PTPRJ: variants seen among roughly 807,000 people sequenced by gnomAD.
PTPRJ encodes protein tyrosine phosphatase receptor type J, also known as receptor-type tyrosine-protein phosphatase eta.
PTPRJ carries 129 observed loss-of-function variants against 141.3 expected under a neutral mutation model. The observed-to-expected ratio is 0.91, with a 90% CI of 0.79 to 1.06. PTPRJ has a LOEUF of 1.06. PTPRJ is among the 50% of genes least tolerant of loss of function. PTPRJ has a pLI of 0.00. For synonymous variants in PTPRJ, 610 were observed against 640.5 expected (o/e 0.95, Z 0.72); for missense variants, 1,601 against 1,679.7 (o/e 0.95, Z 0.82).
chr11:48,149,471 G>C lies in PTPRJ; in HGVS notation c.3024G>C (p.Val1008=). 1 of 1,519,164 alleles carries C rather than the reference G, an allele frequency of 6.6e-7. No homozygotes were observed. The highest frequency in any genetic ancestry group is 9.0e-7 in the Non-Finnish European group (1 of 1,106,688). The allele number at this position is 1,519,164 out of a possible 1,614,324, so 94.1% of individuals were successfully genotyped here. Residue 1008 remains valine, a synonymous_variant, in exon 16 of 25, where the codon GTG becomes GTC. Coordinates refer to ENST00000418331, the MANE Select transcript of PTPRJ (RefSeq NM_002843.4). ...KKRKDAKNNE[V]SFSQIKPKKS... ...GGAAAGATGCAAAGAATAATGAAGT[G>C]TCCTTTTCTCAAATTAAGTAAGTCT... is the stretch of plus-strand genomic sequence containing the variant.
intron 1 of PTPRJ, among the ~76,000 whole-genome samples, chr11:47,986,577 C>T (rs568294982): frequency 3.7e-4 from 57 of 152,242 alleles, no homozygotes; most frequent in Non-Finnish European, 4.4e-5. Context: ...AGTGCAGTGG[C>T]GTGATCTCCA....
Position 48,024,107 on chromosome 11 carries a change from G to T in PTPRJ, c.96+43099G>T, listed in dbSNP as rs573752226. Reference sequence around the variant, plus strand: ...CACATTCCTCCCACACTTACAGTCAGTGGCTTCATTAATCTCTAAGGTTCC... The same window carrying T: ...CACATTCCTCCCACACTTACAGTCATTGGCTTCATTAATCTCTAAGGTTCC... On this transcript the variant is annotated intron_variant, in intron 1 of 24. Transcript: ENST00000418331. Among the ~76,000 whole-genome samples, 3 of 152,086 alleles carry T rather than the reference G, an allele frequency of 2.0e-5. No individual in the cohort carries two copies. In the South Asian group the frequency reaches 6.2e-4, roughly 32 times the overall value.
chr11:48,164,363 T>G lies in PTPRJ; in HGVS notation c.3720-17T>G. 1 of 1,612,920 alleles carries G rather than the reference T, an allele frequency of 6.2e-7. No individual in the cohort carries two copies. Among genetic ancestry groups the G allele is most frequent in the Non-Finnish European group, 8.5e-7 (1 of 1,179,518 alleles). On this transcript the variant is annotated splice_polypyrimidine_tract_variant and intron_variant, in intron 23 of 24. Transcript: ENST00000418331. Reference sequence around the variant, plus strand: ...GAGGGAACCCACTGTAATAGGCTTATTTCTCTTTTCTCTCAGTGCTGGGGT... The same window carrying G: ...GAGGGAACCCACTGTAATAGGCTTAGTTCTCTTTTCTCTCAGTGCTGGGGT...
chr11:48,159,810 A>G (rs1192735416), intron 21 of PTPRJ, 120 bp from the exon 22 acceptor site: 27 of 1,310,776 alleles, frequency 2.1e-5, no homozygotes, highest in African/African-American at 6.0e-5. Context: ...ACAAAACCCA[A>G]CTAGAAGGTC....
chr11:48,156,322 C>A (rs1857599199), intron 21 of PTPRJ, among the ~76,000 whole-genome samples: 1 of 151,696 alleles, frequency 6.6e-6, no homozygotes, highest in Non-Finnish European at 1.5e-5. Flanking sequence ...TTGTCATTAT[C>A]TTTTTTTTGG....
chr11:48,063,422 C>G (rs962849421), intron 1 of PTPRJ, among the ~76,000 whole-genome samples: 1 of 152,186 alleles, frequency 6.6e-6, no homozygotes, highest in African/African-American at 2.4e-5. Flanking sequence ...GTCTCTTTCT[C>G]GCACTGCTCT....
chr11:48,121,711 T>A (rs1408340738), intron 4 of PTPRJ, among the ~76,000 whole-genome samples: 1 of 152,222 alleles, frequency 6.6e-6, no homozygotes, highest in Non-Finnish European at 1.5e-5. Context: ...TTGATGATAT[T>A]TAAATTTTAA....
At chr11:47,996,883 G>A (rs1854351486) in intron 1 of PTPRJ, among the ~76,000 whole-genome samples, 1 of 152,224 alleles carries the variant, frequency 6.6e-6, no homozygotes, top group South Asian at 2.1e-4. Context: ...CTGTTGTGAG[G>A]TAAGACTCAG....
chr11:48,131,645 C>A, intron 8 of PTPRJ: 1 of 687,098 alleles, frequency 1.5e-6, no homozygotes. Context: ...TGTTCATTTG[C>A]TTATGTACTG....
rs539153156 is a variant in PTPRJ at position 48,146,872 on chromosome 11, T to C, written c.2912-4T>C. The C allele has an allele frequency of 1.2e-6, 2 of 1,613,896 alleles. No homozygotes were observed. Among genetic ancestry groups the C allele is most frequent in the South Asian group, 2.2e-5 (2 of 91,072 alleles). Reference sequence around the variant, plus strand: ...GAAGTGTCTCCCATTTGGACTTTTCTCAGGTGTCATCTGTGGAGCGGTTTT... The same window carrying C: ...GAAGTGTCTCCCATTTGGACTTTTCCCAGGTGTCATCTGTGGAGCGGTTTT... On this transcript the variant is annotated splice_region_variant and splice_polypyrimidine_tract_variant and intron_variant, in intron 14 of 24. Coordinates refer to ENST00000418331, the MANE Select transcript of PTPRJ (RefSeq NM_002843.4).
At chr11:48,067,497 C>CTT in intron 1 of PTPRJ, among the ~76,000 whole-genome samples, 1 of 152,280 alleles carries the variant, frequency 6.6e-6, no homozygotes, top group East Asian at 1.9e-4. Flanking sequence ...GAAGGGCCCT[C>CTT]TGACTGTGAA....
intron 16 of PTPRJ, 34 bp downstream of exon 16, chr11:48,149,522 TC>T: frequency 7.5e-7 from 1 of 1,337,796 alleles, no homozygotes; most frequent in Non-Finnish European, 1.0e-6. Context: ...TTATTTTAAA[TC>T]CTCCAATCTG....
intron 1 of PTPRJ, among the ~76,000 whole-genome samples, chr11:48,001,113 C>T (rs919723789): frequency 2.3e-4 from 35 of 151,548 alleles, no homozygotes; most frequent in African/African-American, 8.0e-4. Context: ...CGGTCCTCAG[C>T]CTCCCCAGTA....
chr11:48,082,619 AT>A (rs1251891205), intron 1 of PTPRJ, among the ~76,000 whole-genome samples: 307 of 119,800 alleles, frequency 2.6e-3, no homozygotes, highest in Middle Eastern at 5.1e-3. Context: ...TGATATTGCT[AT>A]TTTTTTTTTT....
chr11:48,155,969 T>C lies in PTPRJ; in HGVS notation c.3304-16T>C. ...TGTTTCTTTGAGGTTGACTATGTGC[T>C]GTTTCCCATTTTTAGGGCTACCACT... On this transcript the variant is annotated splice_polypyrimidine_tract_variant and intron_variant, in intron 20 of 24. Transcript: ENST00000418331. 6.2e-7 allele frequency: 1 copy of C among 1,608,330 alleles called. No individual in the cohort carries two copies. The highest frequency in any genetic ancestry group is 2.2e-5 in the East Asian group (1 of 44,848).
chr11:48,028,339 T>G (rs1337090980), intron 1 of PTPRJ, among the ~76,000 whole-genome samples: 1 of 152,188 alleles, frequency 6.6e-6, no homozygotes, highest in Non-Finnish European at 1.5e-5. Context: ...ATGCAGTTCT[T>G]CATGAAATCT....
At chr11:48,164,089 C>T (rs1226925023) in intron 23 of PTPRJ, among the ~76,000 whole-genome samples, 4 of 152,116 alleles carry the variant, frequency 2.6e-5, no homozygotes, top group African/African-American at 9.7e-5. Context: ...TAAAATGTGC[C>T]GCCATCCTGG....
At chr11:48,123,501 T>C (rs897760846) in intron 4 of PTPRJ, 112 bp from the exon 5 acceptor site, 1 of 1,116,704 alleles carries the variant, frequency 9.0e-7, no homozygotes, top group African/African-American at 1.6e-5. Context: ...ACCTCAGTCA[T>C]TCTTTCTTTT....
chr11:48,064,433 G>T (rs867442205), intron 1 of PTPRJ, among the ~76,000 whole-genome samples: 79 of 152,254 alleles, frequency 5.2e-4, no homozygotes, highest in African/African-American at 1.8e-3. Flanking sequence ...CAGCAGCCCA[G>T]CAGCAGTCGG....
Sources: gnomAD v4.1 joint callset for allele counts (sites outside exome capture counted in the v4.1 genomes callset) on GRCh38, gnomAD v4.1.1 for gene constraint, MANE v1.5 for transcripts, NCBI Gene and HGNC (gene_info 2026-07-23, HGNC 2026-07-21) for gene names.